The following CACNG3 variants were observed in gnomAD, a reference collection of about 807,000 sequenced individuals.
CACNG3 encodes the protein voltage-dependent calcium channel gamma-3 subunit.
Under a neutral mutation model 28.5 loss-of-function variants are expected in CACNG3, and 3 were observed. The observed-to-expected ratio is 0.11, with a 90% CI of 0.05 to 0.27. The LOEUF (loss-of-function observed/expected upper bound fraction) is 0.27. Ranked by LOEUF, CACNG3 falls within the 10% of genes least tolerant of loss-of-function variation. The probability of loss-of-function intolerance (pLI) is 1.00; values close to 1 mark genes in which losing one functional copy is unlikely to be tolerated. For synonymous variants in CACNG3, 174 were observed against 162.2 expected, an observed-to-expected ratio of 1.07 and a Z score of -0.55; for missense variants, 236 against 414.4, an observed-to-expected ratio of 0.57 and a Z score of 3.74.
chr16:24,315,168 A>G (rs1899331380), intron 1 of CACNG3, among the ~76,000 whole-genome samples: 1 of 152,176 alleles, frequency 6.6e-6, no homozygotes, highest in South Asian at 2.1e-4. Flanking sequence ...TATTAAATCA[A>G]CAAGTATTCA....
At chr16:24,257,673 C>A (rs974501792) in intron 1 of CACNG3, among the ~76,000 whole-genome samples, 3 of 152,114 alleles carry the variant, frequency 2.0e-5, no homozygotes, top group African/African-American at 7.2e-5. Context: ...TATTTTGTAT[C>A]CACCTGTCTT....
intron 2 of CACNG3, among the ~76,000 whole-genome samples, chr16:24,348,034 C>G (rs1006281764): frequency 6.6e-6 from 1 of 152,120 alleles, no homozygotes; most frequent in East Asian, 1.9e-4. Flanking sequence ...TTCCATTGGT[C>G]AAGGCACAGA....
chr16:24,316,163 G>A lies in CACNG3; in HGVS notation c.212-30571G>A, dbSNP rs114106943. On this transcript the variant is annotated intron_variant, in intron 1 of 3. Transcript: ENST00000005284. ...AACACACCCTGGAAGCCAGGCTATC[G>A]CCATCACTTTAACATCCCTGCTTTG... 2.4e-3 allele frequency among the ~76,000 whole-genome samples: 360 copies of A among 151,532 alleles called. 3 individuals carry two copies. Among genetic ancestry groups the A allele is most frequent in the African/African-American group, 8.4e-3 (347 of 41,470 alleles).
At chr16:24,354,424 C>T (rs1900001219) in intron 2 of CACNG3, among the ~76,000 whole-genome samples, 2 of 151,956 alleles carry the variant, frequency 1.3e-5, no homozygotes, top group South Asian at 4.2e-4. Context: ...GGGCAGTAGT[C>T]GCTGGGCTGA....
intron 1 of CACNG3, among the ~76,000 whole-genome samples, chr16:24,327,413 AAT>A (rs1413232715): frequency 3.6e-5 from 3 of 82,258 alleles, no homozygotes; most frequent in Non-Finnish European, 7.4e-5. Context: ...TGTTTCTACG[AAT>A]ATATATATGT....
chr16:24,260,776 G>A (rs374320849), intron 1 of CACNG3, among the ~76,000 whole-genome samples: 5 of 152,200 alleles, frequency 3.3e-5, no homozygotes, highest in Admixed American at 2.6e-4. Context: ...AGAGACAATT[G>A]ACCTGTGTAG....
At chr16:24,359,618 T>C (rs890492194) in intron 3 of CACNG3, among the ~76,000 whole-genome samples, 3 of 152,048 alleles carry the variant, frequency 2.0e-5, no homozygotes, top group Admixed American at 6.6e-5. Flanking sequence ...TCCCAACATT[T>C]TGAGAGGCCA....
At chr16:24,258,285 C>T (rs1311503640) in intron 1 of CACNG3, among the ~76,000 whole-genome samples, 2 of 152,168 alleles carry the variant, frequency 1.3e-5, no homozygotes, top group African/African-American at 2.4e-5. Flanking sequence ...CTCTCCTGAC[C>T]GTAGCGCTAC....
chr16:24,273,172 C>T (rs777529182), intron 1 of CACNG3, among the ~76,000 whole-genome samples: 10 of 152,202 alleles, frequency 6.6e-5, no homozygotes, highest in Non-Finnish European at 1.0e-4. Context: ...GAAGCATCCA[C>T]GTCAGAGATA....
chr16:24,318,002 T>C (rs1899409919), intron 1 of CACNG3, among the ~76,000 whole-genome samples: 1 of 152,222 alleles, frequency 6.6e-6, no homozygotes, highest in African/African-American at 2.4e-5. Flanking sequence ...TCAGCCCAGA[T>C]GCCCCTTCTC....
chr16:24,345,193 A>G (rs540750727), intron 1 of CACNG3, among the ~76,000 whole-genome samples: 5 of 152,292 alleles, frequency 3.3e-5, no homozygotes, highest in African/African-American at 7.2e-5. Context: ...TGAAATACCA[A>G]CGCAGCTCTG....
chr16:24,264,838 C>G (rs925960122), intron 1 of CACNG3, among the ~76,000 whole-genome samples: 2 of 152,200 alleles, frequency 1.3e-5, no homozygotes, highest in African/African-American at 4.8e-5. Flanking sequence ...TTTGATATAA[C>G]ACAGTTGAAA....
At chr16:24,330,995 A>C (rs1442998004) in intron 1 of CACNG3, among the ~76,000 whole-genome samples, 1 of 152,102 alleles carries the variant, frequency 6.6e-6, no homozygotes, top group Admixed American at 6.6e-5. Context: ...ATCAAATATC[A>C]AATAATTTAT....
At chr16:24,356,466 C>A (rs1900034537) in intron 3 of CACNG3, among the ~76,000 whole-genome samples, 1 of 152,126 alleles carries the variant, frequency 6.6e-6, no homozygotes, top group Admixed American at 6.5e-5. Flanking sequence ...CTTTGGAAGG[C>A]CGAGGCAGAA....
intron 1 of CACNG3, among the ~76,000 whole-genome samples, chr16:24,337,128 A>G (rs1334841882): frequency 6.6e-6 from 1 of 152,182 alleles, no homozygotes; most frequent in African/African-American, 2.4e-5. Flanking sequence ...TTAGGATTTC[A>G]AGATAGGAAT....
At chr16:24,358,410 G>A (rs1900063442) in intron 3 of CACNG3, among the ~76,000 whole-genome samples, 1 of 152,190 alleles carries the variant, frequency 6.6e-6, no homozygotes. Context: ...CTGTTAAGAG[G>A]ATTAAATGAG....
At chr16:24,284,408 A>G (rs1362208461) in intron 1 of CACNG3, among the ~76,000 whole-genome samples, 1 of 152,128 alleles carries the variant, frequency 6.6e-6, no homozygotes, top group East Asian at 1.9e-4. Flanking sequence ...CTTTTTCTAG[A>G]GTCATTTTTA....
chr16:24,326,877 A>C (rs1899554069), intron 1 of CACNG3, among the ~76,000 whole-genome samples: 1 of 152,056 alleles, frequency 6.6e-6, no homozygotes, highest in Admixed American at 6.6e-5. Context: ...TAGCCCCTTG[A>C]CCAGAGAAAC....
Position 24,295,848 on chromosome 16 carries a change from A to AAAAC in CACNG3, c.211+38903_211+38906dup, listed in dbSNP as rs529144745. ...GGGCTACAGAGTAAGACGCTGTCTC[A>AAAAC]AAACAAACAAACAAACAAACAAAAA... On this transcript the variant is annotated intron_variant, in intron 1 of 3. Transcript: ENST00000005284. Among the ~76,000 whole-genome samples, 520 of 152,242 alleles carry AAAAC rather than the reference A, an allele frequency of 3.4e-3. 4 individuals carry two copies. Among genetic ancestry groups the AAAAC allele is most frequent in the Non-Finnish European group, 4.6e-3 (316 of 68,010 alleles).
Sources: allele counts gnomAD v4.1 joint callset (sites outside exome capture counted in the v4.1 genomes callset), GRCh38; gene constraint gnomAD v4.1.1; transcripts MANE v1.5; gene names NCBI Gene and HGNC (gene_info 2026-07-23, HGNC 2026-07-21).